The following PAQR5 variants were observed in gnomAD, a reference collection of about 807,000 sequenced individuals.
PAQR5 encodes membrane progestin receptor gamma.
In PAQR5, 20 loss-of-function variants were observed where a neutral mutation model predicts 34.5. The observed-to-expected ratio is 0.58, with a 90% CI of 0.41 to 0.84. The LOEUF is 0.84. PAQR5 is among the 40% of genes least tolerant of loss of function. The pLI is 0.00. For synonymous variants in PAQR5, 131 were observed against 155.6 expected (o/e 0.84, Z 1.18); for missense variants, 378 against 412.7 (o/e 0.92, Z 0.73).
chr15:69,373,384 T>G (rs1305142588), intron 3 of PAQR5, among the ~76,000 whole-genome samples: 1 of 152,192 alleles, frequency 6.6e-6, no homozygotes, highest in African/African-American at 2.4e-5. Context: ...TATACTATTA[T>G]CACAAGCTTG....
Position 69,406,805 on chromosome 15 carries a change from T to C in PAQR5, c.*2983T>C. The C allele has an allele frequency of 6.6e-6, 1 of 151,496 alleles. No individual in the cohort carries two copies. Among genetic ancestry groups the C allele is most frequent in the East Asian group, 1.9e-4 (1 of 5,146 alleles). 9.4% of individuals were successfully genotyped at this position (151,496 alleles called of 1,614,324 possible). A position where few individuals can be genotyped will look rare whatever the true frequency, so the allele number is the denominator to read the frequency against. On this transcript the variant is annotated 3_prime_UTR_variant, in exon 9 of 9. Coordinates refer to ENST00000395407, the MANE Select transcript of PAQR5 (RefSeq NM_017705.4). ...GGATTGCTTGAACCCAGGAGTTGGA[T>C]GCTGCAGTGAGCTATGATTGCGCCA...
chr15:69,325,509 G>C (rs898929018), intron 1 of PAQR5, among the ~76,000 whole-genome samples: 1 of 152,220 alleles, frequency 6.6e-6, no homozygotes, highest in Admixed American at 6.5e-5. Context: ...GGATAGAACT[G>C]TTGTGTCTGC....
intron 3 of PAQR5, among the ~76,000 whole-genome samples, chr15:69,376,847 T>C (rs1287424597): frequency 6.6e-6 from 1 of 152,186 alleles, no homozygotes; most frequent in Non-Finnish European, 1.5e-5. Flanking sequence ...TTTGACGACG[T>C]CAGTCCCCCT....
At chr15:69,313,848 T>A (rs1316864228) in intron 1 of PAQR5, among the ~76,000 whole-genome samples, 1 of 151,574 alleles carries the variant, frequency 6.6e-6, no homozygotes, top group East Asian at 1.9e-4. Flanking sequence ...ACAGTGAGGG[T>A]GGGGATCTGT....
intron 1 of PAQR5, among the ~76,000 whole-genome samples, chr15:69,301,282 G>A (rs1190374125): frequency 1.3e-5 from 2 of 152,030 alleles, no homozygotes; most frequent in Non-Finnish European, 2.9e-5. Flanking sequence ...GGGATTGCAG[G>A]CGTGAGCCAC....
rs185326491 is a variant in PAQR5 at position 69,387,633 on chromosome 15, T to G, written c.386-2021T>G. Among the ~76,000 whole-genome samples, 113 of 152,288 alleles carry G rather than the reference T, an allele frequency of 7.4e-4. 2 individuals carry two copies. Among genetic ancestry groups the G allele is most frequent in the African/African-American group, 2.6e-3 (107 of 41,560 alleles). Reference sequence around the variant, plus strand: ...CGTAGGTGAGGACAGTGAGGCACTGTGGAGGTAAGTGACAGGTCACACAGC... The same window carrying G: ...CGTAGGTGAGGACAGTGAGGCACTGGGGAGGTAAGTGACAGGTCACACAGC... On this transcript the variant is annotated intron_variant, in intron 5 of 8. Transcript: ENST00000395407.
chr15:69,324,835 C>T (rs1213977220), intron 1 of PAQR5, among the ~76,000 whole-genome samples: 1 of 152,098 alleles, frequency 6.6e-6, no homozygotes, highest in Non-Finnish European at 1.5e-5. Flanking sequence ...GCTATACCCT[C>T]AGCTCTCCCC....
rs1364167457 is a variant in PAQR5 at position 69,382,777 on chromosome 15, CATATATATATATATATATATGACCATAT to C, written c.180-1879_180-1852del. 6.6e-4 allele frequency: 82 copies of C among 124,670 alleles called. 2 individuals are homozygous for C. Among genetic ancestry groups the C allele is most frequent in the African/African-American group, 2.7e-3 (79 of 29,062 alleles). 7.7% of individuals were successfully genotyped at this position (124,670 alleles called of 1,614,324 possible). On this transcript the variant is annotated intron_variant, in intron 4 of 8. Transcript: ENST00000395407. ...ATATATATGTGTATATATATGTGAC[CATATATATATATATATATATGACCATAT>C]ATATATATATATATATATATATATA...
chr15:69,313,644 G>A (rs896837301), intron 1 of PAQR5, among the ~76,000 whole-genome samples: 9 of 151,684 alleles, frequency 5.9e-5, no homozygotes, highest in Non-Finnish European at 1.2e-4. Context: ...GGGGAAGGAA[G>A]AGAAAAGGAA....
intron 1 of PAQR5, among the ~76,000 whole-genome samples, chr15:69,333,156 T>C (rs527693487): frequency 6.6e-6 from 1 of 152,240 alleles, no homozygotes; most frequent in South Asian, 2.1e-4. Context: ...CCAATCTTAA[T>C]ACACACATGA....
chr15:69,319,660 G>A (rs1393115999), intron 1 of PAQR5, among the ~76,000 whole-genome samples: 1 of 152,126 alleles, frequency 6.6e-6, no homozygotes, highest in Admixed American at 6.6e-5. Context: ...CTCTACCCTA[G>A]CTTTAACCAG....
chr15:69,396,135 A>G (rs1038025070), intron 6 of PAQR5, among the ~76,000 whole-genome samples: 5 of 151,038 alleles, frequency 3.3e-5, no homozygotes, highest in Admixed American at 1.3e-4. Context: ...TAACTGCCCA[A>G]TGTGGAAGTC....
chr15:69,351,813 G>C (rs1444163126), intron 2 of PAQR5, among the ~76,000 whole-genome samples: 6 of 152,174 alleles, frequency 3.9e-5, no homozygotes, highest in Non-Finnish European at 7.4e-5. Flanking sequence ...TGGTGTGGGT[G>C]GGGTATCTTG....
At chr15:69,377,752 G>A (rs188386193) in intron 3 of PAQR5, among the ~76,000 whole-genome samples, 75 of 152,218 alleles carry the variant, frequency 4.9e-4, no homozygotes, top group African/African-American at 1.7e-3. Context: ...ATGGCACCTC[G>A]GGGACCCAGA....
Position 69,384,742 on chromosome 15 carries a change from G to T in PAQR5, c.245G>T (p.Trp82Leu). 1 of 1,613,976 alleles carries T rather than the reference G, an allele frequency of 6.2e-7. No homozygotes were observed. Among genetic ancestry groups the T allele is most frequent in the South Asian group, 1.1e-5 (1 of 91,080 alleles). Residue 82 changes from tryptophan (W) to leucine (L), a missense_variant, in exon 5 of 9, where the codon TGG becomes TTG. Physicochemically the swap from Trp to Leu is moderately conservative, Grantham distance 61. Coordinates refer to ENST00000395407, the MANE Select transcript of PAQR5 (RefSeq NM_017705.4). ...GACATCAAGAATGACAGCTACTCCT[G>T]GCCCATGCTTGTGTACATGTGCACC... The part of the protein sequence containing the change: ...MTDIKNDSYS[W>L]PMLVYMCTSC...
chr15:69,325,537 T>C (rs929088924), intron 1 of PAQR5, among the ~76,000 whole-genome samples: 1 of 152,200 alleles, frequency 6.6e-6, no homozygotes, highest in Non-Finnish European at 1.5e-5. Context: ...TCCCCATATC[T>C]TTCCTACCAT....
At position 69,400,403 on chromosome 15, in the gene PAQR5, G is replaced by A. The variant is rs571813871; in HGVS notation, c.751+288G>A. ...AGAACATGGAATCCCATGATTAAGT[G>A]AACATTGGGGCTGGGCGTGGTGGCT... is the stretch of plus-strand genomic sequence containing the variant. On this transcript the variant is annotated intron_variant, in intron 8 of 8. Transcript: ENST00000395407. Among the ~76,000 whole-genome samples the A allele has an allele frequency of 7.9e-5, 12 of 152,322 alleles. 1 individual carries two copies. The highest frequency in any genetic ancestry group is 2.2e-4 in the African/African-American group (9 of 41,582).
intron 1 of PAQR5, among the ~76,000 whole-genome samples, chr15:69,302,223 C>T (rs1009336671): frequency 2.0e-5 from 3 of 152,082 alleles, no homozygotes; most frequent in Non-Finnish European, 2.9e-5. Context: ...TAGGCATGCA[C>T]CACCGTGCCC....
chr15:69,351,053 A>G (rs1362508084), intron 2 of PAQR5, among the ~76,000 whole-genome samples: 1 of 152,164 alleles, frequency 6.6e-6, no homozygotes, highest in Non-Finnish European at 1.5e-5. Flanking sequence ...GGTCTGACTC[A>G]TGGTGGGTCC....
Sources: allele counts gnomAD v4.1 joint callset (sites outside exome capture counted in the v4.1 genomes callset), GRCh38; gene constraint gnomAD v4.1.1; transcripts MANE v1.5; gene names NCBI Gene and HGNC (gene_info 2026-07-23, HGNC 2026-07-21).